Variants in CSMD1 observed in about 807,000 individuals in gnomAD.
CSMD1 encodes the protein CUB and sushi domain-containing protein 1.
A neutral mutation model predicts 417.5 loss-of-function variants in CSMD1; 213 were observed. The ratio of observed to expected loss-of-function variants is 0.51; its 90% CI spans 0.46 to 0.57. CSMD1 has a LOEUF of 0.57. Among genes scored for constraint, CSMD1 ranks in the 20% least tolerant of loss-of-function variants. The pLI, the probability that CSMD1 is intolerant of heterozygous loss-of-function variation, is 0.00. For missense variants in CSMD1, 6,923 were observed against 4,529.7 expected (o/e 1.53, Z -15.17); for synonymous variants, 2,862 against 1,736.8 (o/e 1.65, Z -16.11).
At chr8:4,384,981 C>G (rs926333977) in intron 3 of CSMD1, among the ~76,000 whole-genome samples, 1 of 152,138 alleles carries the variant, frequency 6.6e-6, no homozygotes, top group Non-Finnish European at 1.5e-5. Context: ...AGTGCAATGG[C>G]GCAATCTCGA....
At chr8:4,573,739 G>C (rs1343790103) in intron 2 of CSMD1, among the ~76,000 whole-genome samples, 2 of 152,172 alleles carry the variant, frequency 1.3e-5, no homozygotes, top group African/African-American at 2.4e-5. Flanking sequence ...CCTTCCCCCA[G>C]GTGCTCTGTC....
intron 5 of CSMD1, among the ~76,000 whole-genome samples, chr8:3,947,021 CTG>C (rs1811274192): frequency 6.6e-6 from 1 of 152,060 alleles, no homozygotes; most frequent in Non-Finnish European, 1.5e-5. Context: ...ATCTCTATGT[CTG>C]TATTTTTCTT....
Position 4,484,254 on chromosome 8 carries a change from G to C in CSMD1, c.303-64189C>G, listed in dbSNP as rs1801249847. Among the ~76,000 whole-genome samples the C allele has an allele frequency of 2.6e-5, 4 of 151,732 alleles. No homozygotes were observed. In the South Asian group the frequency reaches 6.2e-4, roughly 24 times the overall value. On this transcript the variant is annotated intron_variant, in intron 2 of 69. Coordinates refer to ENST00000635120, the MANE Select transcript of CSMD1 (RefSeq NM_033225.6). The stretch of plus-strand genomic sequence containing the variant: ...ATTGTTTTCAAAAATTCTATGGAAG[G>C]ATTTTCTTCTAGGAACAAGGTTTCA...
chr8:4,017,733 G>C (rs545178155), intron 4 of CSMD1, among the ~76,000 whole-genome samples: 1 of 152,092 alleles, frequency 6.6e-6, no homozygotes, highest in East Asian at 1.9e-4. Context: ...GGCATTGTGT[G>C]TGCATGGTAC....
chr8:3,558,141 C>G (rs111318929), intron 10 of CSMD1, among the ~76,000 whole-genome samples: 302 of 130,482 alleles, frequency 2.3e-3, no homozygotes, highest in East Asian at 4.2e-3. Context: ...GTCCACTCCT[C>G]CAATGATGAA....
chr8:4,441,285 T>TG (rs1798465367), intron 2 of CSMD1, among the ~76,000 whole-genome samples: 3 of 110,680 alleles, frequency 2.7e-5, no homozygotes, highest in East Asian at 3.1e-4. Flanking sequence ...TTTTTTTTGG[T>TG]GGGGGGAGTA....
chr8:4,388,098 G>A (rs539087774), intron 3 of CSMD1, among the ~76,000 whole-genome samples: 1 of 152,090 alleles, frequency 6.6e-6, no homozygotes, highest in Non-Finnish European at 1.5e-5. Context: ...CAGGACTAAA[G>A]ATACAGCTGT....
At chr8:3,435,041 G>T (rs537037061) in intron 12 of CSMD1, among the ~76,000 whole-genome samples, 1 of 152,170 alleles carries the variant, frequency 6.6e-6, no homozygotes, top group Admixed American at 6.5e-5. Context: ...GCTGGTAGCA[G>T]AGAGGACAGA....
intron 1 of CSMD1, among the ~76,000 whole-genome samples, chr8:4,716,276 T>C (rs1808649804): frequency 6.6e-6 from 1 of 152,054 alleles, no homozygotes; most frequent in African/African-American, 2.4e-5. Context: ...TCTTCATCCA[T>C]CTCCCTCAAC....
At position 2,937,966 on chromosome 8, in the gene CSMD1, C is replaced by T. The variant is rs1004058068; in HGVS notation, c.*619G>A. On this transcript the variant is annotated 3_prime_UTR_variant, in exon 70 of 70. Coordinates refer to ENST00000635120, the MANE Select transcript of CSMD1 (RefSeq NM_033225.6). Reference sequence around the variant, plus strand: ...GTGCATTAAACATTCTGCGACAGAACAGCTGACTGGGAAATTGCAAACATC... The same window carrying T: ...GTGCATTAAACATTCTGCGACAGAATAGCTGACTGGGAAATTGCAAACATC... 6.5e-6 allele frequency: 1 copy of T among 152,736 alleles called. No homozygotes were observed. The highest frequency in any genetic ancestry group is 2.1e-4 in the South Asian group (1 of 4,818). 9.5% of individuals were successfully genotyped at this position (152,736 alleles called of 1,614,324 possible).
chr8:4,442,438 T>A (rs112323705), intron 2 of CSMD1, among the ~76,000 whole-genome samples: 16 of 152,192 alleles, frequency 1.1e-4, no homozygotes, highest in African/African-American at 3.9e-4. Flanking sequence ...TAAAGCCCAG[T>A]TCTATAAATA....
chr8:4,960,326 G>T (rs1809393942), intron 1 of CSMD1, among the ~76,000 whole-genome samples: 1 of 152,126 alleles, frequency 6.6e-6, no homozygotes, highest in Admixed American at 6.5e-5. Context: ...TGTGTTTAAT[G>T]TTCTGACATC....
chr8:4,303,208 G>C (rs932853037), intron 3 of CSMD1, among the ~76,000 whole-genome samples: 7 of 152,062 alleles, frequency 4.6e-5, no homozygotes, highest in African/African-American at 1.7e-4. Flanking sequence ...AATAACATCT[G>C]TTAACAGAGG....
At chr8:3,649,572 G>C (rs542440464) in intron 7 of CSMD1, among the ~76,000 whole-genome samples, 5 of 152,244 alleles carry the variant, frequency 3.3e-5, no homozygotes, top group Non-Finnish European at 7.4e-5. Flanking sequence ...GCTGTGCAAA[G>C]TGGGGAGAGC....
chr8:4,541,318 C>T (rs1797373459), intron 2 of CSMD1, among the ~76,000 whole-genome samples: 1 of 152,164 alleles, frequency 6.6e-6, no homozygotes, highest in African/African-American at 2.4e-5. Context: ...CCATGCAGTT[C>T]TTACAGCAAT....
At chr8:4,344,741 T>C (rs1800685121) in intron 3 of CSMD1, among the ~76,000 whole-genome samples, 1 of 152,046 alleles carries the variant, frequency 6.6e-6, no homozygotes, top group Non-Finnish European at 1.5e-5. Context: ...AATATAAAAG[T>C]TGCCATTCAC....
intron 3 of CSMD1, among the ~76,000 whole-genome samples, chr8:4,198,102 A>C (rs1158856835): frequency 6.6e-6 from 1 of 152,236 alleles, no homozygotes; most frequent in Non-Finnish European, 1.5e-5. Flanking sequence ...GTCTGAGTTA[A>C]GGTAAGTTTT....
At chr8:4,298,851 A>C (rs1797827836) in intron 3 of CSMD1, among the ~76,000 whole-genome samples, 1 of 152,040 alleles carries the variant, frequency 6.6e-6, no homozygotes, top group Non-Finnish European at 1.5e-5. Context: ...TATTTCTGGA[A>C]ATACTGGTAT....
chr8:4,668,953 C>G (rs554532788), intron 1 of CSMD1, among the ~76,000 whole-genome samples: 14 of 152,194 alleles, frequency 9.2e-5, no homozygotes, highest in African/African-American at 2.9e-4. Context: ...TATTTCTGAA[C>G]TAGTGTTAGC....
Sources: gnomAD v4.1 joint callset for allele counts (sites outside exome capture counted in the v4.1 genomes callset) on GRCh38, gnomAD v4.1.1 for gene constraint, MANE v1.5 for transcripts, NCBI Gene and HGNC (gene_info 2026-07-23, HGNC 2026-07-21) for gene names.